KIRREL3: variants seen among roughly 807,000 people sequenced by gnomAD.
KIRREL3 encodes the protein kin of IRRE-like protein 3.
A neutral mutation model predicts 89.7 loss-of-function variants in KIRREL3; 36 were observed. That is an observed-to-expected ratio of 0.40 (90% CI 0.31 to 0.53). The LOEUF (loss-of-function observed/expected upper bound fraction) is 0.53. Among genes scored for constraint, KIRREL3 ranks in the 20% least tolerant of loss-of-function variants. The pLI is 0.49. For missense variants in KIRREL3, 864 were observed against 1,056.6 expected, an observed-to-expected ratio of 0.82 and a Z score of 2.53; for synonymous variants, 445 against 441.4, an observed-to-expected ratio of 1.01 and a Z score of -0.10.
At position 126,754,389 on chromosome 11, in the gene KIRREL3, A is replaced by G. The variant is rs746916735; in HGVS notation, c.56-191477T>C. ...ACCTCTCTAACTTTACACTCTCTAT[A>G]TGTCTGTCTCTGGTCTTCAATTCAG... On this transcript the variant is annotated intron_variant, in intron 1 of 16. Transcript: ENST00000525144. The surrounding 1 kb of genome is among the most constrained non-coding windows in gnomAD (Gnocchi z 5.1). 1.2e-4 allele frequency among the ~76,000 whole-genome samples: 18 copies of G among 152,188 alleles called. No individual in the cohort carries two copies. Among genetic ancestry groups the G allele is most frequent in the Non-Finnish European group, 1.8e-4 (12 of 68,044 alleles).
intron 7 of KIRREL3, among the ~76,000 whole-genome samples, chr11:126,456,032 T>A (rs75627629): frequency 8.0e-4 from 99 of 123,952 alleles, no homozygotes; most frequent in African/African-American, 3.1e-3. Flanking sequence ...GGTTTTTTTT[T>A]GTTTTCGTTT....
Position 126,704,607 on chromosome 11 carries a change from T to A in KIRREL3, c.56-141695A>T, listed in dbSNP as rs1261266732. Among the ~76,000 whole-genome samples, 1 of 152,204 alleles carries A rather than the reference T, an allele frequency of 6.6e-6. No homozygotes were observed. The highest frequency in any genetic ancestry group is 1.5e-5 in the Non-Finnish European group (1 of 68,040). ...CGTGCGTATTTGGCTCAGGCTGACT[T>A]TCCATACACAGACAGGGCTCTATTT... On this transcript the variant is annotated intron_variant, in intron 1 of 16. Coordinates refer to ENST00000525144, the MANE Select transcript of KIRREL3 (RefSeq NM_032531.4). This position sits in a 1 kb window ranked among gnomAD's most constrained non-coding sequence, Gnocchi z 4.2.
chr11:126,665,833 G>C (rs1945637125), intron 1 of KIRREL3, among the ~76,000 whole-genome samples: 2 of 152,230 alleles, frequency 1.3e-5, no homozygotes, highest in Non-Finnish European at 2.9e-5. Flanking sequence ...ACACTTAGCT[G>C]TGTGACCTCA....
rs571342122 is a variant in KIRREL3 at position 126,928,623 on chromosome 11, C to A, written c.55+71832G>T. On this transcript the variant is annotated intron_variant, in intron 1 of 16. Transcript: ENST00000525144. ...CTGGGGCTATTTCAGAAGTGTTAGC[C>A]ATGCTTGGGGGAGAGCAAGGTCTCA... Among the ~76,000 whole-genome samples the A allele has an allele frequency of 5.3e-5, 8 of 152,344 alleles. No individual in the cohort carries two copies. In the South Asian group the frequency reaches 1.7e-3, roughly 32 times the overall value.
chr11:126,975,236 G>A (rs929069466), intron 1 of KIRREL3, among the ~76,000 whole-genome samples: 1 of 152,136 alleles, frequency 6.6e-6, no homozygotes, highest in African/African-American at 2.4e-5. Context: ...AAATCCTGGA[G>A]GTCACCTTAG....
At chr11:126,436,199 T>A (rs752875121) in intron 12 of KIRREL3, among the ~76,000 whole-genome samples, 1 of 152,102 alleles carries the variant, frequency 6.6e-6, no homozygotes, top group Non-Finnish European at 1.5e-5. Context: ...TGCCCAGCGC[T>A]GCCTTTGAGG....
rs7940455 is a variant in KIRREL3, at chr11:126,708,630, G to A, written c.56-145718C>T. ...CGGCTCAACGTCCAGGAGAGGCACC[G>A]GCGAACTCGAGAGCCAAGAGCGGCA... On this transcript the variant is annotated intron_variant, in intron 1 of 16. Coordinates refer to ENST00000525144, the MANE Select transcript of KIRREL3 (RefSeq NM_032531.4). This position sits in a 1 kb window ranked among gnomAD's most constrained non-coding sequence, Gnocchi z 5.7. 0.061 allele frequency among the ~76,000 whole-genome samples: 9,269 copies of A among 152,152 alleles called. 779 individuals carry two copies. The highest frequency in any genetic ancestry group is 0.19 in the African/African-American group (8,013 of 41,470).
Position 126,883,824 on chromosome 11 carries a change from T to C in KIRREL3, c.55+116631A>G, listed in dbSNP as rs902245176. Among the ~76,000 whole-genome samples the C allele has an allele frequency of 1.3e-5, 2 of 152,112 alleles. No individual in the cohort carries two copies. Among genetic ancestry groups the C allele is most frequent in the African/African-American group, 4.8e-5 (2 of 41,418 alleles). On this transcript the variant is annotated intron_variant, in intron 1 of 16. Coordinates refer to ENST00000525144, the MANE Select transcript of KIRREL3 (RefSeq NM_032531.4). This position sits in a 1 kb window ranked among gnomAD's most constrained non-coding sequence, Gnocchi z 4.1. ...ATCCAATGTTAGAAAGTATGTTATA[T>C]TAAAAAATGGCCATCCTATATTACC...
intron 1 of KIRREL3, among the ~76,000 whole-genome samples, chr11:126,593,248 G>A (rs1296404773): frequency 1.3e-5 from 2 of 152,190 alleles, no homozygotes; most frequent in African/African-American, 4.8e-5. Flanking sequence ...CTGACTCATC[G>A]GTCACTGCTT....
intron 1 of KIRREL3, among the ~76,000 whole-genome samples, chr11:126,887,849 A>G (rs1231100809): frequency 6.6e-6 from 1 of 152,210 alleles, no homozygotes; most frequent in African/African-American, 2.4e-5. Context: ...TCAGTTAAAC[A>G]TAGGTGAGGT....
At chr11:126,865,170 T>G (rs1944876900) in intron 1 of KIRREL3, among the ~76,000 whole-genome samples, 1 of 152,252 alleles carries the variant, frequency 6.6e-6, no homozygotes. Context: ...TATCCCTGTA[T>G]GAACCCATTT....
At chr11:126,646,301 T>A (rs1322595066) in intron 1 of KIRREL3, among the ~76,000 whole-genome samples, 1 of 33,598 alleles carries the variant, frequency 3.0e-5, no homozygotes, top group South Asian at 1.7e-3. Context: ...ATTATTGTTA[T>A]TTATTTTGTT....
rs1466281849 is a variant in KIRREL3 at position 126,441,219 on chromosome 11, C to T, written c.1253-670G>A. ...CCTCCACGTCCATACCCAGACTGCC[C>T]AAGTGAGGCCATGGCTCCCAAACTG... On this transcript the variant is annotated intron_variant, in intron 10 of 16. Transcript: ENST00000525144. This position sits in a 1 kb window ranked among gnomAD's most constrained non-coding sequence, Gnocchi z 5.0. Among the ~76,000 whole-genome samples, 1 of 152,226 alleles carries T rather than the reference C, an allele frequency of 6.6e-6. No homozygotes were observed. Among genetic ancestry groups the T allele is most frequent in the African/African-American group, 2.4e-5 (1 of 41,462 alleles).
At chr11:126,440,608 T>C in intron 10 of KIRREL3, 59 bp from the exon 11 acceptor site, 1 of 1,445,634 alleles carries the variant, frequency 6.9e-7, no homozygotes, top group Non-Finnish European at 9.5e-7. Flanking sequence ...GCTGGCGCCC[T>C]CTTGGGTGGG....
At position 126,715,842 on chromosome 11, in the gene KIRREL3, C is replaced by T. The variant is rs1947935712; in HGVS notation, c.56-152930G>A. Reference sequence around the variant, plus strand: ...GGCCAGTGTTCCACCGTCAAGAGCGCAGAAAAGCCCTTGGTGCTCCTCTGA... The same window carrying T: ...GGCCAGTGTTCCACCGTCAAGAGCGTAGAAAAGCCCTTGGTGCTCCTCTGA... On this transcript the variant is annotated intron_variant, in intron 1 of 16. Transcript: ENST00000525144. The surrounding 1 kb of genome is among the most constrained non-coding windows in gnomAD (Gnocchi z 4.4). 6.6e-6 allele frequency among the ~76,000 whole-genome samples: 1 copy of T among 152,192 alleles called. No homozygotes were observed. Among genetic ancestry groups the T allele is most frequent in the African/African-American group, 2.4e-5 (1 of 41,438 alleles).
intron 1 of KIRREL3, among the ~76,000 whole-genome samples, chr11:126,951,926 C>T (rs1007779977): frequency 9.2e-5 from 14 of 151,858 alleles, no homozygotes; most frequent in Non-Finnish European, 1.8e-4. Flanking sequence ...AGCAATTGAC[C>T]AAGGGAAAGG....
rs529504437 is a variant in KIRREL3 at position 126,802,360 on chromosome 11, C to T, written c.55+198095G>A. On this transcript the variant is annotated intron_variant, in intron 1 of 16. Transcript: ENST00000525144. This position sits in a 1 kb window ranked among gnomAD's most constrained non-coding sequence, Gnocchi z 5.2. ...CAGGCGGCCCGTGGAGAAAAGCTTT[C>T]GCTATACTGAAGGTCTGTGAATAAT... Among the ~76,000 whole-genome samples, 2 of 152,234 alleles carry T rather than the reference C, an allele frequency of 1.3e-5. No homozygotes were observed. The highest frequency in any genetic ancestry group is 1.5e-5 in the Non-Finnish European group (1 of 68,022).
Position 126,473,482 on chromosome 11 carries a change from C to T in KIRREL3, c.434-16G>A, listed in dbSNP as rs1348248985. On this transcript the variant is annotated splice_polypyrimidine_tract_variant and intron_variant, in intron 4 of 16. Coordinates refer to ENST00000525144, the MANE Select transcript of KIRREL3 (RefSeq NM_032531.4). The stretch of plus-strand genomic sequence containing the variant: ...TCAGGCGGCACTGCGGGGAGAGAAG[C>T]AGTGAGGTCAGGCCGAGGCTCCCAC... 1 of 1,531,384 alleles carries T rather than the reference C, an allele frequency of 6.5e-7. No individual in the cohort carries two copies. Among genetic ancestry groups the T allele is most frequent in the Admixed American group, 1.8e-5 (1 of 57,032 alleles). 94.9% of individuals were successfully genotyped at this position (1,531,384 alleles called of 1,614,324 possible). A position where few individuals can be genotyped will look rare whatever the true frequency, so the allele number is the denominator to read the frequency against.
intron 1 of KIRREL3, among the ~76,000 whole-genome samples, chr11:126,625,579 G>A (rs1943750071): frequency 6.6e-6 from 1 of 152,116 alleles, no homozygotes; most frequent in African/African-American, 2.4e-5. Context: ...TCTGCTGACA[G>A]GATAAACTCC....
Sources: allele counts gnomAD v4.1 joint callset (sites outside exome capture counted in the v4.1 genomes callset), GRCh38; gene constraint gnomAD v4.1.1; non-coding constraint Gnocchi (gnomAD v3.1); transcripts MANE v1.5; gene names NCBI Gene and HGNC (gene_info 2026-07-23, HGNC 2026-07-21).